Variants in ESYT1 observed in about 807,000 individuals in gnomAD.
ESYT1 encodes the protein extended synaptotagmin 1.
Under a neutral mutation model 154.2 loss-of-function variants are expected in ESYT1, and 116 were observed. The ratio of observed to expected loss-of-function variants is 0.75; its 90% CI spans 0.65 to 0.88. The LOEUF is 0.88. ESYT1 is among the 40% of genes least tolerant of loss of function. The pLI is 0.00. For synonymous variants in ESYT1, 500 were observed against 539.9 expected (o/e 0.93, Z 1.02); for missense variants, 1,264 against 1,379.3 (o/e 0.92, Z 1.32).
intron 24 of ESYT1, among the ~76,000 whole-genome samples, chr12:56,139,320 C>T (rs576048198): frequency 6.6e-6 from 1 of 152,156 alleles, no homozygotes; most frequent in East Asian, 1.9e-4. Context: ...CCATGTTAGC[C>T]AGGCTGGTCT....
Position 56,143,154 on chromosome 12 carries a change from T to A in ESYT1, c.3119+6T>A. ...AGTCCTGAATTTAATGAACGGTCAG[T>A]CAGTGGGCATTCAGGTGGAGAGATG... On this transcript the variant is annotated splice_donor_region_variant and intron_variant, in intron 28 of 30. Coordinates refer to ENST00000394048, the MANE Select transcript of ESYT1 (RefSeq NM_015292.3). The A allele has an allele frequency of 6.2e-7, 1 of 1,614,058 alleles. No individual in the cohort carries two copies. Among genetic ancestry groups the A allele is most frequent in the Non-Finnish European group, 8.5e-7 (1 of 1,179,998 alleles).
At chr12:56,135,507 C>T (rs1373123955) in intron 15 of ESYT1, among the ~76,000 whole-genome samples, 3 of 151,968 alleles carry the variant, frequency 2.0e-5, no homozygotes, top group African/African-American at 4.8e-5. Flanking sequence ...AGAAAAAGCA[C>T]AAAACATAGT....
In ESYT1 at chr12:56,131,189, C is replaced by T. The variant is rs781207634; in HGVS notation, c.642-55C>T. 8 of 1,613,560 alleles carry T rather than the reference C, an allele frequency of 5.0e-6. No individual in the cohort carries two copies. The East Asian group carries it at 8.9e-5, about 18-fold the overall frequency. ...GTCCAGGCTACTTCACTCCCCCTCC[C>T]CGCAACTTCAGCCAAGGACTAACTC... On this transcript the variant is annotated intron_variant, in intron 4 of 30. Transcript: ENST00000394048.
In ESYT1 at chr12:56,142,898, A is replaced by G; in HGVS notation, c.2952A>G (p.Glu984=). The change falls in exon 27 of 31, where the codon GAA becomes GAG. Residue 984 remains glutamate (E), a synonymous_variant. Coordinates refer to ENST00000394048, the MANE Select transcript of ESYT1 (RefSeq NM_015292.3). The surrounding 1 kb of genome is among the most constrained non-coding windows in gnomAD (Gnocchi z 4.1). ...AACTGACTCTGTGGTACTACAGTGA[A>G]GAACGAAAGCTGGTCAGCATTGTTC... ...QVKLTLWYYS[E]ERKLVSIVHG... is the part of the protein sequence containing the mutation. 1 of 1,614,224 alleles carries G rather than the reference A, an allele frequency of 6.2e-7. No homozygotes were observed. Among genetic ancestry groups the G allele is most frequent in the Non-Finnish European group, 8.5e-7 (1 of 1,180,048 alleles).
chr12:56,131,943 CA>C (rs1353404368), intron 7 of ESYT1, 139 bp downstream of exon 7: 1 of 1,037,056 alleles, frequency 9.6e-7, no homozygotes, highest in Non-Finnish European at 1.5e-6. Context: ...AATACCCCTG[CA>C]AAGTTTGATA....
In ESYT1 at chr12:56,144,080, C is replaced by T. The variant is rs138834347; in HGVS notation, c.*218C>T. On this transcript the variant is annotated 3_prime_UTR_variant, in exon 31 of 31. Coordinates refer to ENST00000394048, the MANE Select transcript of ESYT1 (RefSeq NM_015292.3). ...CCTTTATCCTTCTGGGCCCCTGGGG[C>T]GGGGACCTGAGCTGGCTGTTTCCTG... 943 of 1,425,300 alleles carry T rather than the reference C, an allele frequency of 6.6e-4. 6 individuals carry two copies. The African/African-American group carries it at 0.012, about 18-fold the overall frequency. 88.3% of individuals were successfully genotyped at this position (1,425,300 alleles called of 1,614,324 possible). A position where few individuals can be genotyped will look rare whatever the true frequency, so the allele number is the denominator to read the frequency against.
In ESYT1 at chr12:56,143,811, C is replaced by T. The variant is rs556716756; in HGVS notation, c.3276-12C>T. 4.5e-5 allele frequency: 72 copies of T among 1,614,072 alleles called. No homozygotes were observed. The South Asian group carries it at 6.7e-4, about 15-fold the overall frequency. ...CAAGAGTCATCTTTCTACATGAGCC[C>T]TCTTTTCACAGGTATGACCTGATGG... is the stretch of plus-strand genomic sequence containing the variant. On this transcript the variant is annotated splice_polypyrimidine_tract_variant and intron_variant, in intron 30 of 30. Transcript: ENST00000394048.
chr12:56,128,646 G>A lies in ESYT1; in HGVS notation c.327G>A (p.Leu109=), dbSNP rs548206492. 6.0e-5 allele frequency: 97 copies of A among 1,614,202 alleles called. 1 individual carries two copies. The South Asian group carries it at 1.0e-3, about 17-fold the overall frequency. The change falls in exon 1 of 31, where the codon CTG becomes CTA. Residue 109 remains leucine, a synonymous_variant. Transcript: ENST00000394048. ...ERSLRAARQL[L]DDEEQLTAKT... ...GCCTTCGAGCAGCGAGGCAGCTACT[G>A]GACGACGAGGAGCAGCTCACTGCGA...
chr12:56,138,445 G>T lies in ESYT1; in HGVS notation c.2379G>T (p.Ala793=). The part of the protein sequence containing the change: ...VNSLIQTQKS[A]ELAAALLSIY... ...GTTTGATCCAGACTCAGAAGAGTGCGGAGCTGGCTGCGGCCCTGCTATCCA... is the reference window on the plus strand; with the variant it reads ...GTTTGATCCAGACTCAGAAGAGTGCTGAGCTGGCTGCGGCCCTGCTATCCA... Residue 793 remains alanine (A), a synonymous_variant, in exon 22 of 31, where the codon GCG becomes GCT. Transcript: ENST00000394048. 6.2e-7 allele frequency: 1 copy of T among 1,613,284 alleles called. No individual in the cohort carries two copies.
intron 7 of ESYT1, 24 bp downstream of exon 7, chr12:56,131,828 T>C (rs1452090590): frequency 6.2e-7 from 1 of 1,612,910 alleles, no homozygotes; most frequent in South Asian, 1.1e-5. Flanking sequence ...ACTGAGCACC[T>C]GCTGAGTGTT....
rs563308963 is a variant in ESYT1, at chr12:56,137,650, A to G, written c.2090A>G (p.Asn697Ser). ...FRSHVVREDL[N>S]PRWNEVFEVI... ...AGCCATGTTGTTCGGGAAGATCTCA[A>G]TCCCCGCTGGAATGAGGTTTTTGAG... Residue 697 changes from asparagine (N) to serine (S), a missense_variant, in exon 18 of 31, where the codon AAT becomes AGT. Coordinates refer to ENST00000394048, the MANE Select transcript of ESYT1 (RefSeq NM_015292.3). 3.1e-6 allele frequency: 5 copies of G among 1,614,066 alleles called. No homozygotes were observed. The highest frequency in any genetic ancestry group is 2.2e-5 in the South Asian group (2 of 91,082).
At position 56,142,206 on chromosome 12, in the gene ESYT1, C is replaced by T. The variant is rs576233871; in HGVS notation, c.2593-79C>T. On this transcript the variant is annotated intron_variant, in intron 24 of 30. Coordinates refer to ENST00000394048, the MANE Select transcript of ESYT1 (RefSeq NM_015292.3). This position sits in a 1 kb window ranked among gnomAD's most constrained non-coding sequence, Gnocchi z 4.1. ...TCACCAAACCACCTATGAGTCCAAG[C>T]GTTTGGACCTTTAAAACACCAGGAT... is the stretch of plus-strand genomic sequence containing the variant. 5.8e-5 allele frequency: 89 copies of T among 1,545,766 alleles called. No individual in the cohort carries two copies. The highest frequency in any genetic ancestry group is 5.2e-4 in the South Asian group (43 of 83,464).
rs760880430 is a variant in ESYT1 at position 56,143,906 on chromosome 12, G to A, written c.*44G>A. 16 of 1,612,682 alleles carry A rather than the reference G, an allele frequency of 9.9e-6. No homozygotes were observed. Among genetic ancestry groups the A allele is most frequent in the Admixed American group, 3.3e-5 (2 of 59,992 alleles). ...CTGACTGCTCTGTCTTCCTGCCTTC[G>A]TCTCGCTCCATCACCGCCTCAATGT... is the stretch of plus-strand genomic sequence containing the variant. On this transcript the variant is annotated 3_prime_UTR_variant, in exon 31 of 31. Coordinates refer to ENST00000394048, the MANE Select transcript of ESYT1 (RefSeq NM_015292.3).
At position 56,138,274 on chromosome 12, in the gene ESYT1, T is replaced by C. The variant is rs201250783; in HGVS notation, c.2337+2T>C. On this transcript the variant is annotated splice_donor_variant, in intron 21 of 30. Transcript: ENST00000394048. LOFTEE classifies it high-confidence loss of function. The stretch of plus-strand genomic sequence containing the variant: ...CCCACTGCTGCTGAGTTAGAGGAGG[T>C]AGGGCAGGAGACTTGAGGAAGGAAG... 2 of 1,613,838 alleles carry C rather than the reference T, an allele frequency of 1.2e-6. No individual in the cohort carries two copies. Among genetic ancestry groups the C allele is most frequent in the African/African-American group, 2.7e-5 (2 of 74,844 alleles).
In ESYT1 at chr12:56,128,498, G is replaced by A. The variant is rs763059827; in HGVS notation, c.179G>A (p.Arg60Lys). ...CTGGCGGTGCTGACTTCATTCGGGA[G>A]GCGGTTGCTGGTGCTGATACCTGTG... ...EALAVLTSFG[R>K]RLLVLIPVYL... The change falls in exon 1 of 31, where the codon AGG (arginine) becomes AAG (lysine). Residue 60 changes from arginine to lysine, a missense_variant. Physicochemically the swap from Arg to Lys is conservative, Grantham distance 26. Coordinates refer to ENST00000394048, the MANE Select transcript of ESYT1 (RefSeq NM_015292.3). 2 of 1,611,514 alleles carry A rather than the reference G, an allele frequency of 1.2e-6. No homozygotes were observed. Among genetic ancestry groups the A allele is most frequent in the Non-Finnish European group, 1.7e-6 (2 of 1,178,802 alleles).
rs778550238 is a variant in ESYT1, at chr12:56,128,665, A to G, written c.346A>G (p.Thr116Ala). 6.2e-7 allele frequency: 1 copy of G among 1,614,124 alleles called. No individual in the cohort carries two copies. The highest frequency in any genetic ancestry group is 1.1e-5 in the South Asian group (1 of 91,074). The change falls in exon 1 of 31, where the codon ACT becomes GCT. Residue 116 changes from threonine (T) to alanine (A), a missense_variant. Physicochemically the swap from Thr to Ala is moderately conservative, Grantham distance 58 (BLOSUM62 0). Coordinates refer to ENST00000394048, the MANE Select transcript of ESYT1 (RefSeq NM_015292.3). ...RQLLDDEEQL[T>A]AKTLYMSHRE... ...GCTACTGGACGACGAGGAGCAGCTC[A>G]CTGCGAAAACTCTCTATATGAGTCA... is the stretch of plus-strand genomic sequence containing the variant.
chr12:56,131,488 T>C lies in ESYT1; in HGVS notation c.726T>C (p.Val242=), dbSNP rs780868842. The change falls in exon 6 of 31, where the codon GTT becomes GTC. Residue 242 remains valine, a synonymous_variant. Transcript: ENST00000394048. ...TCTTCTTGCCTCAGCTACATGGCGT[T>C]TTGCGGGTGATACTGGAGCCACTCA... ...AGVKGMQLHG[V]LRVILEPLIG... 18 of 1,613,958 alleles carry C rather than the reference T, an allele frequency of 1.1e-5. No homozygotes were observed. The African/African-American group carries it at 1.7e-4, about 16-fold the overall frequency.
At chr12:56,133,965 A>G in intron 13 of ESYT1, 92 bp downstream of exon 13, 1 of 1,535,334 alleles carries the variant, frequency 6.5e-7, no homozygotes, top group Non-Finnish European at 9.0e-7. Flanking sequence ...GCTTTGCTCC[A>G]GAAGTATCAG....
chr12:56,131,351 T>C (rs748714265), intron 5 of ESYT1, 35 bp downstream of exon 5: 1 of 1,613,334 alleles, frequency 6.2e-7, no homozygotes, highest in South Asian at 1.1e-5. Context: ...TAATAGGGAA[T>C]GTTTGTCCTG....
Sources: gnomAD v4.1 joint callset for allele counts (sites outside exome capture counted in the v4.1 genomes callset) on GRCh38, gnomAD v4.1.1 for gene constraint, Gnocchi (gnomAD v3.1) non-coding constraint, MANE v1.5 for transcripts, NCBI Gene and HGNC (gene_info 2026-07-23, HGNC 2026-07-21) for gene names.